PIK3R5: variants seen among roughly 807,000 people sequenced by gnomAD.
PIK3R5 encodes phosphoinositide 3-kinase regulatory subunit 5.
In PIK3R5, 32 loss-of-function variants were observed where a neutral mutation model predicts 94.9. The observed-to-expected ratio is 0.34, with a 90% confidence interval of 0.25 to 0.45. PIK3R5 has a LOEUF of 0.45. PIK3R5 is among the 20% of genes least tolerant of loss of function. The pLI is 1.00. For missense variants in PIK3R5, 853 were observed against 1,144.6 expected (o/e 0.75, Z 3.68); for synonymous variants, 443 against 479.4 (o/e 0.92, Z 0.99).
chr17:8,913,445 GC>G (rs1364800505), intron 1 of PIK3R5, among the ~76,000 whole-genome samples: 1 of 152,220 alleles, frequency 6.6e-6, no homozygotes. Context: ...GGTGGCTCAT[GC>G]CCGTAATCCC....
At chr17:8,919,648 T>A (rs2090694396) in intron 1 of PIK3R5, among the ~76,000 whole-genome samples, 1 of 152,234 alleles carries the variant, frequency 6.6e-6, no homozygotes, top group African/African-American at 2.4e-5. Flanking sequence ...CGTGCCCAGT[T>A]TGCATTTGTG....
chr17:8,930,877 G>A (rs912032037), intron 1 of PIK3R5, among the ~76,000 whole-genome samples: 2 of 152,206 alleles, frequency 1.3e-5, no homozygotes, highest in Admixed American at 6.5e-5. Context: ...ATTAGGGCAG[G>A]TGCAGGAGGG....
At chr17:8,952,687 A>C (rs1221212760) in intron 1 of PIK3R5, among the ~76,000 whole-genome samples, 2 of 152,250 alleles carry the variant, frequency 1.3e-5, no homozygotes, top group South Asian at 4.1e-4. Flanking sequence ...ATGAGAATAA[A>C]TTATGGGCAT....
Position 8,950,596 on chromosome 17 carries a change from C to T in PIK3R5, c.-14+15000G>A, listed in dbSNP as rs576264420. Reference sequence around the variant, plus strand: ...ATTTGCTTAGGATTATGGCCTCCAGCTCCATCCATGTTGCTGCAAAGGACA... The same window carrying T: ...ATTTGCTTAGGATTATGGCCTCCAGTTCCATCCATGTTGCTGCAAAGGACA... On this transcript the variant is annotated intron_variant, in intron 1 of 18. Coordinates refer to ENST00000447110, the MANE Select transcript of PIK3R5 (RefSeq NM_001142633.3). 4.7e-4 allele frequency among the ~76,000 whole-genome samples: 71 copies of T among 152,316 alleles called. 2 individuals are homozygous for T. The South Asian group carries it at 0.014, about 31-fold the overall frequency.
chr17:8,889,824 G>A lies in PIK3R5; in HGVS notation c.811+149C>T. On this transcript the variant is annotated intron_variant, in intron 8 of 18. Coordinates refer to ENST00000447110, the MANE Select transcript of PIK3R5 (RefSeq NM_001142633.3). This position sits in a 1 kb window ranked among gnomAD's most constrained non-coding sequence, Gnocchi z 4.1. Reference sequence around the variant, plus strand: ...TATAGACAGGAATGAGACACCCTAGGGGATGGCAGAGCAGTGAGATGCTGA... The same window carrying A: ...TATAGACAGGAATGAGACACCCTAGAGGATGGCAGAGCAGTGAGATGCTGA... 9.3e-6 allele frequency: 7 copies of A among 752,496 alleles called. No homozygotes were observed. The highest frequency in any genetic ancestry group is 1.5e-5 in the Non-Finnish European group (7 of 456,190). The allele number at this position is 752,496 out of a possible 1,614,324, so 46.6% of individuals were successfully genotyped here. A position where few individuals can be genotyped will look rare whatever the true frequency, so the allele number is the denominator to read the frequency against.
At position 8,905,066 on chromosome 17, in the gene PIK3R5, G is replaced by A. The variant is rs536492973; in HGVS notation, c.274-151C>T. 13 of 833,756 alleles carry A rather than the reference G, an allele frequency of 1.6e-5. No homozygotes were observed. The Admixed American group carries it at 2.4e-4, about 16-fold the overall frequency. 51.6% of individuals were successfully genotyped at this position (833,756 alleles called of 1,614,324 possible). On this transcript the variant is annotated intron_variant, in intron 4 of 18. Coordinates refer to ENST00000447110, the MANE Select transcript of PIK3R5 (RefSeq NM_001142633.3). ...CCCAGGACAAGGTCAGGTGGAACTG[G>A]AAGTTACTCACAGGGAGTGGGTTAC...
Position 8,911,326 on chromosome 17 carries a change from G to C in PIK3R5, c.103+66C>G. On this transcript the variant is annotated intron_variant, in intron 2 of 18. Transcript: ENST00000447110. The surrounding 1 kb of genome is among the most constrained non-coding windows in gnomAD (Gnocchi z 5.3). ...TTTGCCAGTTTCCATGCCTGGTCCA[G>C]TGCCCACCGTGGCCCCTGAGGCTTC... is the stretch of plus-strand genomic sequence containing the variant. 8.0e-7 allele frequency: 1 copy of C among 1,255,858 alleles called. No homozygotes were observed. Among genetic ancestry groups the C allele is most frequent in the Non-Finnish European group, 1.1e-6 (1 of 871,820 alleles). The allele number at this position is 1,255,858 out of a possible 1,614,324, so 77.8% of individuals were successfully genotyped here. A position where few individuals can be genotyped will look rare whatever the true frequency, so the allele number is the denominator to read the frequency against.
At chr17:8,959,299 G>A (rs2091517472) in intron 1 of PIK3R5, among the ~76,000 whole-genome samples, 2 of 152,164 alleles carry the variant, frequency 1.3e-5, no homozygotes, top group South Asian at 4.1e-4. Flanking sequence ...ATAATCCAAA[G>A]AAATCAGCAC....
chr17:8,940,481 T>C (rs2091157485), intron 1 of PIK3R5, among the ~76,000 whole-genome samples: 2 of 152,188 alleles, frequency 1.3e-5, no homozygotes, highest in African/African-American at 4.8e-5. Context: ...CTTGTAACAC[T>C]TTCCTGAAGA....
chr17:8,928,566 T>A (rs1272060040), intron 1 of PIK3R5, among the ~76,000 whole-genome samples: 1 of 152,172 alleles, frequency 6.6e-6, no homozygotes, highest in Admixed American at 6.5e-5. Flanking sequence ...GTACTTTTCA[T>A]CAAAAATTAT....
At position 8,884,147 on chromosome 17, in the gene PIK3R5, C is replaced by A. The variant is rs903560640; in HGVS notation, c.2205+560G>T. ...CTGCCCAGCACAGAGGCAGCATGGG[C>A]AGGTGCTAAGAGGATATCTTTGGAA... On this transcript the variant is annotated intron_variant, in intron 15 of 18. Transcript: ENST00000447110. The surrounding 1 kb of genome is among the most constrained non-coding windows in gnomAD (Gnocchi z 5.8). 2.0e-5 allele frequency among the ~76,000 whole-genome samples: 3 copies of A among 152,176 alleles called. No individual in the cohort carries two copies. The highest frequency in any genetic ancestry group is 7.2e-5 in the African/African-American group (3 of 41,446).
rs952034239 is a variant in PIK3R5, at chr17:8,925,740, C to T, written c.-13-14233G>A. 3.9e-5 allele frequency among the ~76,000 whole-genome samples: 6 copies of T among 152,210 alleles called. No homozygotes were observed. The highest frequency in any genetic ancestry group is 1.4e-4 in the African/African-American group (6 of 41,462). ...GTACAGCTTGCATCATGGCTGAGTACATTTTGGTCCCCAAGTGGGTGTGCA... is the reference window on the plus strand; with the variant it reads ...GTACAGCTTGCATCATGGCTGAGTATATTTTGGTCCCCAAGTGGGTGTGCA... On this transcript the variant is annotated intron_variant, in intron 1 of 18. Coordinates refer to ENST00000447110, the MANE Select transcript of PIK3R5 (RefSeq NM_001142633.3). The surrounding 1 kb of genome is among the most constrained non-coding windows in gnomAD (Gnocchi z 5.1).
intron 1 of PIK3R5, among the ~76,000 whole-genome samples, chr17:8,958,455 A>G (rs2091500837): frequency 6.6e-6 from 1 of 152,234 alleles, no homozygotes; most frequent in Non-Finnish European, 1.5e-5. Context: ...AAAGAGTACA[A>G]GAGTTTCCTT....
At chr17:8,902,786 T>G (rs895899212) in intron 5 of PIK3R5, among the ~76,000 whole-genome samples, 22 of 152,136 alleles carry the variant, frequency 1.4e-4, no homozygotes, top group African/African-American at 5.1e-4. Flanking sequence ...AAACCTTTAA[T>G]GTATCTAAAA....
chr17:8,962,826 G>A (rs2091590745), intron 1 of PIK3R5, among the ~76,000 whole-genome samples: 1 of 152,134 alleles, frequency 6.6e-6, no homozygotes, highest in African/African-American at 2.4e-5. Context: ...CTACGGGAGG[G>A]TATCATCTTC....
Position 8,896,054 on chromosome 17 carries a change from AGACTGTGCAATGTGGAG to A in PIK3R5, c.413-2416_413-2400del, listed in dbSNP as rs1335855744. 2.0e-5 allele frequency among the ~76,000 whole-genome samples: 3 copies of A among 152,160 alleles called. No individual in the cohort carries two copies. The highest frequency in any genetic ancestry group is 7.2e-5 in the African/African-American group (3 of 41,440). On this transcript the variant is annotated intron_variant, in intron 5 of 18. Coordinates refer to ENST00000447110, the MANE Select transcript of PIK3R5 (RefSeq NM_001142633.3). This position sits in a 1 kb window ranked among gnomAD's most constrained non-coding sequence, Gnocchi z 4.0. ...GCCTGAGCTGGGAACACATTAGAAAAGACTGTGCAATGTGGAGGAGGCTTTGATAATATAAGCTTTTG... is the reference window on the plus strand; with the variant it reads ...GCCTGAGCTGGGAACACATTAGAAAAGAGGCTTTGATAATATAAGCTTTTG...
chr17:8,917,423 C>T (rs1054889862), intron 1 of PIK3R5, among the ~76,000 whole-genome samples: 1 of 152,068 alleles, frequency 6.6e-6, no homozygotes, highest in African/African-American at 2.4e-5. Context: ...ACCACACTGA[C>T]GGGGATAGGG....
In PIK3R5 at chr17:8,887,167, C is replaced by T. The variant is rs150470178; in HGVS notation, c.1834G>A (p.Gly612Ser). ...ESTNDISHYL[G>S]MLDPWYERNV... The stretch of plus-strand genomic sequence containing the variant: ...CGCTCATACCAGGGGTCCAGCATGC[C>T]GAGGTAGTGGGAGATGTCATTGGTG... The change falls in exon 12 of 19, where the codon GGC becomes AGC. Residue 612 changes from glycine (G) to serine (S), a missense_variant. Transcript: ENST00000447110. 216 of 1,613,950 alleles carry T rather than the reference C, an allele frequency of 1.3e-4. No individual in the cohort carries two copies. The highest frequency in any genetic ancestry group is 3.3e-4 in the Middle Eastern group (2 of 6,062).
intron 1 of PIK3R5, among the ~76,000 whole-genome samples, chr17:8,959,518 G>A (rs550689915): frequency 6.6e-6 from 1 of 152,250 alleles, no homozygotes; most frequent in Non-Finnish European, 1.5e-5. Flanking sequence ...TTTTTCAAAG[G>A]GGCCAACTAT....
Sources: allele counts gnomAD v4.1 joint callset (sites outside exome capture counted in the v4.1 genomes callset), GRCh38; gene constraint gnomAD v4.1.1; non-coding constraint Gnocchi (gnomAD v3.1); transcripts MANE v1.5; gene names NCBI Gene and HGNC (gene_info 2026-07-23, HGNC 2026-07-21).